The following LPAR1 variants were observed in gnomAD, a reference collection of about 807,000 sequenced individuals.
The protein encoded by LPAR1 is lysophosphatidic acid receptor 1, also known as LPA receptor 1.
In LPAR1, 5 loss-of-function variants were observed where a neutral mutation model predicts 23.8. The observed-to-expected ratio is 0.21, with a 90% confidence interval of 0.11 to 0.44. LPAR1 has a LOEUF of 0.44. Ranked by LOEUF, LPAR1 falls within the 20% of genes least tolerant of loss-of-function variation. The pLI is 0.99. For missense variants in LPAR1, 311 were observed against 482.8 expected (o/e 0.64, Z 3.33); for synonymous variants, 160 against 164.7 (o/e 0.97, Z 0.22).
intron 5 of LPAR1, among the ~76,000 whole-genome samples, chr9:110,931,001 C>A (rs1276720532): frequency 1.3e-5 from 2 of 152,194 alleles, no homozygotes; most frequent in African/African-American, 2.4e-5. Flanking sequence ...ATTCTGGAAG[C>A]TTCCCTTTCC....
At chr9:110,913,184 T>C (rs2092670716) in intron 5 of LPAR1, among the ~76,000 whole-genome samples, 1 of 152,208 alleles carries the variant, frequency 6.6e-6, no homozygotes, top group Non-Finnish European at 1.5e-5. Flanking sequence ...ATAGATACCA[T>C]CTATCTAGGA....
chr9:111,030,400 T>C (rs1229967023), intron 2 of LPAR1, among the ~76,000 whole-genome samples: 1 of 152,222 alleles, frequency 6.6e-6, no homozygotes, highest in African/African-American at 2.4e-5. Flanking sequence ...GTTATTCTCT[T>C]AGTAAGAACA....
At chr9:110,979,886 A>C (rs2096632914) in intron 2 of LPAR1, among the ~76,000 whole-genome samples, 1 of 152,120 alleles carries the variant, frequency 6.6e-6, no homozygotes, top group Admixed American at 6.6e-5. Context: ...AAGCAAAAAG[A>C]CTCAAGAAGT....
At chr9:111,036,465 C>A (rs1469689070) in intron 1 of LPAR1, among the ~76,000 whole-genome samples, 1 of 152,132 alleles carries the variant, frequency 6.6e-6, no homozygotes, top group East Asian at 1.9e-4. Flanking sequence ...CTTCCATCTT[C>A]CTGGCCCTCT....
chr9:110,917,124 G>C (rs1282681174), intron 5 of LPAR1, among the ~76,000 whole-genome samples: 1 of 151,480 alleles, frequency 6.6e-6, no homozygotes, highest in East Asian at 1.9e-4. Flanking sequence ...GATCACCTGA[G>C]GTCAGGAGTT....
At chr9:110,971,904 T>C (rs2096435258) in intron 4 of LPAR1, among the ~76,000 whole-genome samples, 169 bp downstream of exon 4, 1 of 152,196 alleles carries the variant, frequency 6.6e-6, no homozygotes, top group African/African-American at 2.4e-5. Context: ...AGCTGCTTCC[T>C]GAACGAAATG....
At chr9:111,005,151 CAAAAAAAAAA>C (rs71371700) in intron 2 of LPAR1, among the ~76,000 whole-genome samples, 2 of 74,292 alleles carry the variant, frequency 2.7e-5, no homozygotes, top group African/African-American at 5.3e-5. Flanking sequence ...GACAAAGTCT[CAAAAAAAAAA>C]AAAAAAAAAA....
At chr9:110,947,352 A>G (rs752053937) in intron 4 of LPAR1, among the ~76,000 whole-genome samples, 11 of 152,222 alleles carry the variant, frequency 7.2e-5, no homozygotes, top group Non-Finnish European at 1.6e-4. Context: ...ATTATTCCCA[A>G]ATTCAGTTGT....
intron 2 of LPAR1, among the ~76,000 whole-genome samples, chr9:111,000,371 A>G (rs2097105608): frequency 6.6e-6 from 1 of 152,168 alleles, no homozygotes. Context: ...GTGACTAGGG[A>G]AACAACAGGC....
intron 2 of LPAR1, among the ~76,000 whole-genome samples, chr9:111,024,622 A>G (rs554651132): frequency 3.7e-4 from 56 of 151,196 alleles, no homozygotes; most frequent in African/African-American, 1.3e-3. Context: ...ACACAGGTAT[A>G]AATGTGCCAT....
At chr9:110,933,827 A>C (rs2094534975) in intron 5 of LPAR1, among the ~76,000 whole-genome samples, 2 of 152,216 alleles carry the variant, frequency 1.3e-5, no homozygotes, top group Non-Finnish European at 2.9e-5. Flanking sequence ...CCACACTTCA[A>C]AAGGAACTCT....
chr9:110,920,925 C>G (rs2093581519), intron 5 of LPAR1, among the ~76,000 whole-genome samples: 1 of 152,028 alleles, frequency 6.6e-6, no homozygotes, highest in South Asian at 2.1e-4. Flanking sequence ...GAGTCCCAGA[C>G]CAGCCTGGGA....
At chr9:110,904,303 TTA>T (rs2090458267) in intron 5 of LPAR1, among the ~76,000 whole-genome samples, 1 of 152,220 alleles carries the variant, frequency 6.6e-6, no homozygotes, top group African/African-American at 2.4e-5. Flanking sequence ...GACTTAAACA[TTA>T]TAACACCATC....
At chr9:110,882,544 C>G (rs565343958) in intron 5 of LPAR1, among the ~76,000 whole-genome samples, 9 of 152,190 alleles carry the variant, frequency 5.9e-5, no homozygotes, top group African/African-American at 2.2e-4. Context: ...TGGAACAATT[C>G]CTACACACTT....
In LPAR1 at chr9:110,888,936, G is replaced by C. The variant is rs560574636; in HGVS notation, c.794-13214C>G. Among the ~76,000 whole-genome samples the C allele has an allele frequency of 4.5e-4, 68 of 152,322 alleles. No homozygotes were observed. In the Middle Eastern group the frequency reaches 0.017, roughly 38 times the overall value. On this transcript the variant is annotated intron_variant, in intron 5 of 5. Transcript: ENST00000683809. Reference sequence around the variant, plus strand: ...GTTCAGTGGAGTCATGAGAACTCCTGACTTGGAGTAACATCGAGAGAGCAG... The same window carrying C: ...GTTCAGTGGAGTCATGAGAACTCCTCACTTGGAGTAACATCGAGAGAGCAG...
intron 2 of LPAR1, among the ~76,000 whole-genome samples, chr9:110,997,190 A>T (rs2097029712): frequency 6.6e-6 from 1 of 152,212 alleles, no homozygotes; most frequent in Admixed American, 6.5e-5. Context: ...AGAGTCAATC[A>T]AGAAGCCCAT....
chr9:110,896,385 C>T (rs2086338858), intron 5 of LPAR1, among the ~76,000 whole-genome samples: 1 of 152,104 alleles, frequency 6.6e-6, no homozygotes. Context: ...TATGTTATCT[C>T]TTTATGATGC....
chr9:110,977,416 G>T (rs188250003), intron 2 of LPAR1, among the ~76,000 whole-genome samples: 3 of 152,280 alleles, frequency 2.0e-5, no homozygotes, highest in Admixed American at 6.5e-5. Context: ...AAGTGACAAT[G>T]ACCTTGCTAA....
At chr9:110,956,856 T>C (rs1036575738) in intron 4 of LPAR1, among the ~76,000 whole-genome samples, 1 of 152,102 alleles carries the variant, frequency 6.6e-6, no homozygotes, top group Non-Finnish European at 1.5e-5. Flanking sequence ...TCTACCAAAC[T>C]TACAAAGAAT....
Sources: allele counts gnomAD v4.1 joint callset (sites outside exome capture counted in the v4.1 genomes callset), GRCh38; gene constraint gnomAD v4.1.1; transcripts MANE v1.5; gene names NCBI Gene and HGNC (gene_info 2026-07-23, HGNC 2026-07-21).